The following ST3GAL1 variants were observed in gnomAD, a reference collection of about 807,000 sequenced individuals.
ST3GAL1 encodes the protein CMP-N-acetylneuraminate-beta-galactosamide-alpha-2,3-sialyltransferase 1.
In ST3GAL1, 16 loss-of-function variants were observed where a neutral mutation model predicts 34.1. The ratio of observed to expected loss-of-function variants is 0.47; its 90% CI spans 0.32 to 0.71. ST3GAL1 has a LOEUF of 0.71. ST3GAL1 is among the 30% of genes least tolerant of loss of function. The pLI, the probability that ST3GAL1 is intolerant of heterozygous loss-of-function variation, is 0.04. For synonymous variants in ST3GAL1, 191 were observed against 184.7 expected, an observed-to-expected ratio of 1.03 and a Z score of -0.28; for missense variants, 353 against 447.4, an observed-to-expected ratio of 0.79 and a Z score of 1.90.
At chr8:133,473,553 C>T (rs1357151947) in intron 5 of ST3GAL1, among the ~76,000 whole-genome samples, 2 of 152,298 alleles carry the variant, frequency 1.3e-5, no homozygotes, top group African/African-American at 4.8e-5. Flanking sequence ...AACGTGGTCC[C>T]AGCAACTGCT....
chr8:133,468,793 T>G (rs1278428706), intron 5 of ST3GAL1, among the ~76,000 whole-genome samples: 8 of 152,208 alleles, frequency 5.3e-5, no homozygotes, highest in Admixed American at 5.2e-4. Context: ...GGCCCCGAAA[T>G]CCTGCATTTC....
rs61445624 is a variant in ST3GAL1 at position 133,556,060 on chromosome 8, A to AT, written c.-581-10135dup. On this transcript the variant is annotated intron_variant, in intron 1 of 9. Coordinates refer to ENST00000522652, the MANE Select transcript of ST3GAL1 (RefSeq NM_173344.3). The surrounding 1 kb of genome is among the most constrained non-coding windows in gnomAD (Gnocchi z 8.9). ...AGGCACCTGCCACCACGCCTGGCTG[A>AT]TTTTTTTTGTATTTTAGTAGAGACG... Among the ~76,000 whole-genome samples, 13,570 of 151,634 alleles carry AT rather than the reference A, an allele frequency of 0.089. 632 individuals are homozygous for AT. Among genetic ancestry groups the AT allele is most frequent in the Middle Eastern group, 0.11 (33 of 294 alleles).
Position 133,475,876 on chromosome 8 carries a change from A to T in ST3GAL1, c.149T>A (p.Leu50Gln). The T allele has an allele frequency of 6.2e-7, 1 of 1,613,714 alleles. No homozygotes were observed. The highest frequency in any genetic ancestry group is 8.5e-7 in the Non-Finnish European group (1 of 1,179,926). Residue 50 changes from leucine (L) to glutamine (Q), a missense_variant, in exon 5 of 10, where the codon CTG becomes CAG. Leu to Gln is a moderately radical substitution (Grantham distance 113, BLOSUM62 -2). Coordinates refer to ENST00000522652, the MANE Select transcript of ST3GAL1 (RefSeq NM_173344.3). ...KQMVLELSEN[L>Q]KRLIKHRPCT... Reference sequence around the variant, plus strand: ...AGGCCTGTGCTTGATCAGTCTCTTCAGGTTCTCGGAGAGCTCCAGGACCAT... The same window carrying T: ...AGGCCTGTGCTTGATCAGTCTCTTCTGGTTCTCGGAGAGCTCCAGGACCAT...
intron 1 of ST3GAL1, among the ~76,000 whole-genome samples, chr8:133,560,144 T>C (rs1819174448): frequency 6.6e-6 from 1 of 152,188 alleles, no homozygotes; most frequent in Admixed American, 6.5e-5. Flanking sequence ...ACACAAATGA[T>C]GAATGTTTGA....
chr8:133,487,318 A>T (rs1816645156), intron 3 of ST3GAL1, among the ~76,000 whole-genome samples: 1 of 148,386 alleles, frequency 6.7e-6, no homozygotes, highest in Non-Finnish European at 1.5e-5. Context: ...TATAGTGCTT[A>T]GAACAATTCC....
intron 2 of ST3GAL1, among the ~76,000 whole-genome samples, chr8:133,542,868 C>A (rs1818572943): frequency 6.7e-6 from 1 of 150,164 alleles, no homozygotes; most frequent in Non-Finnish European, 1.5e-5. Context: ...AAAGAACCAG[C>A]AAAATTTAAA....
chr8:133,460,135 G>C (rs1815442067), intron 9 of ST3GAL1, among the ~76,000 whole-genome samples, 198 bp from the exon 10 acceptor site: 1 of 152,212 alleles, frequency 6.6e-6, no homozygotes, highest in South Asian at 2.1e-4. Flanking sequence ...TGCAAGTTAA[G>C]TAAAACTCAA....
chr8:133,546,082 A>G (rs1818662549), intron 1 of ST3GAL1, among the ~76,000 whole-genome samples, 156 bp from the exon 2 acceptor site: 1 of 152,218 alleles, frequency 6.6e-6, no homozygotes, highest in African/African-American at 2.4e-5. Context: ...ACAAACACCT[A>G]TTCTGTTCCC....
At chr8:133,566,123 G>A (rs1819392729) in intron 1 of ST3GAL1, among the ~76,000 whole-genome samples, 5 of 152,176 alleles carry the variant, frequency 3.3e-5, no homozygotes, top group African/African-American at 1.2e-4. Context: ...TCTGCTCCTG[G>A]TAACAGTGCT....
chr8:133,558,217 C>T (rs1012479386), intron 1 of ST3GAL1, among the ~76,000 whole-genome samples: 8 of 152,260 alleles, frequency 5.3e-5, no homozygotes, highest in East Asian at 1.9e-4. Flanking sequence ...CTCAAGGAGG[C>T]GGAACAAGAA....
In ST3GAL1 at chr8:133,557,981, C is replaced by T. The variant is rs909025293; in HGVS notation, c.-581-12055G>A. 2.6e-5 allele frequency among the ~76,000 whole-genome samples: 4 copies of T among 152,140 alleles called. No individual in the cohort carries two copies. In the South Asian group the frequency reaches 8.3e-4, roughly 32 times the overall value. On this transcript the variant is annotated intron_variant, in intron 1 of 9. Transcript: ENST00000522652. ...TAAAATCTTAGGTATGTCTCTTGTGCCTCTGATGTCCAGTGATGATACCCT... is the reference window on the plus strand; with the variant it reads ...TAAAATCTTAGGTATGTCTCTTGTGTCTCTGATGTCCAGTGATGATACCCT...
chr8:133,470,767 C>T lies in ST3GAL1; in HGVS notation c.307-4677G>A, dbSNP rs537638406. ...GCTGGGGGCGAGGCGAGTGAGGAGT[C>T]GGGCAAGTGGGATAAGGAGGCCCAC... On this transcript the variant is annotated intron_variant, in intron 5 of 9. Transcript: ENST00000522652. 4.6e-5 allele frequency among the ~76,000 whole-genome samples: 7 copies of T among 152,216 alleles called. No homozygotes were observed. In the South Asian group the frequency reaches 1.0e-3, roughly 23 times the overall value.
At chr8:133,518,829 G>A (rs1020441674) in intron 2 of ST3GAL1, among the ~76,000 whole-genome samples, 14 of 152,196 alleles carry the variant, frequency 9.2e-5, no homozygotes, top group Non-Finnish European at 1.9e-4. Flanking sequence ...TTGCAAGTAA[G>A]GATCTGAGGC....
intron 2 of ST3GAL1, among the ~76,000 whole-genome samples, chr8:133,541,512 G>C (rs1027985294): frequency 6.6e-6 from 1 of 151,462 alleles, no homozygotes; most frequent in Non-Finnish European, 1.5e-5. Flanking sequence ...ACACCACCAC[G>C]TGCGTCTACA....
intron 1 of ST3GAL1, among the ~76,000 whole-genome samples, chr8:133,555,445 T>C (rs890624447): frequency 1.3e-5 from 2 of 152,148 alleles, no homozygotes; most frequent in African/African-American, 2.4e-5. Flanking sequence ...AATTCTCACA[T>C]TGGAGCAAAC....
intron 3 of ST3GAL1, among the ~76,000 whole-genome samples, chr8:133,479,731 A>G (rs1367097749): frequency 2.0e-5 from 3 of 152,052 alleles, no homozygotes; most frequent in Non-Finnish European, 4.4e-5. Context: ...AGGTTGTGGG[A>G]CTGTGACAGC....
At chr8:133,554,572 G>C (rs1481107270) in intron 1 of ST3GAL1, among the ~76,000 whole-genome samples, 1 of 152,098 alleles carries the variant, frequency 6.6e-6, no homozygotes, top group African/African-American at 2.4e-5. Flanking sequence ...CAGCATGAGT[G>C]AGAGAGGGTA....
chr8:133,481,219 T>C (rs1816370868), intron 3 of ST3GAL1, among the ~76,000 whole-genome samples: 1 of 152,248 alleles, frequency 6.6e-6, no homozygotes, highest in Non-Finnish European at 1.5e-5. Context: ...AGAGGACCGG[T>C]TGTCTCCTGA....
intron 1 of ST3GAL1, among the ~76,000 whole-genome samples, chr8:133,559,830 T>C (rs1303076878): frequency 6.6e-6 from 1 of 152,212 alleles, no homozygotes; most frequent in Non-Finnish European, 1.5e-5. Flanking sequence ...AACTTTGCAC[T>C]CAGCCTTCCT....
Sources: allele counts gnomAD v4.1 joint callset (sites outside exome capture counted in the v4.1 genomes callset), GRCh38; gene constraint gnomAD v4.1.1; non-coding constraint Gnocchi (gnomAD v3.1); transcripts MANE v1.5; gene names NCBI Gene and HGNC (gene_info 2026-07-23, HGNC 2026-07-21).